PTGER3: variants seen among roughly 807,000 people sequenced by gnomAD.
PTGER3 encodes the protein prostaglandin E2 receptor EP3 subtype.
PTGER3 carries 22 observed loss-of-function variants against 34.7 expected under a neutral mutation model. That is an observed-to-expected ratio of 0.63 (90% CI 0.45 to 0.91). The LOEUF is 0.91. Ranked by LOEUF, PTGER3 falls within the 40% of genes least tolerant of loss-of-function variation. The pLI, the probability that PTGER3 is intolerant of heterozygous loss-of-function variation, is 0.00. For missense variants in PTGER3, 468 were observed against 519.4 expected, an observed-to-expected ratio of 0.90 and a Z score of 0.96; for synonymous variants, 241 against 230.1, an observed-to-expected ratio of 1.05 and a Z score of -0.43.
chr1:70,919,510 A>C (rs1212048842), intron 4 of PTGER3, among the ~76,000 whole-genome samples: 1 of 152,180 alleles, frequency 6.6e-6, no homozygotes, highest in African/African-American at 2.4e-5. Context: ...CTCCATTTAG[A>C]TTTTAATCAC....
intron 2 of PTGER3, among the ~76,000 whole-genome samples, chr1:70,981,383 C>A (rs1258281661): frequency 6.4e-5 from 5 of 78,542 alleles, no homozygotes; most frequent in African/African-American, 2.6e-4. Flanking sequence ...TTCTTTCTTT[C>A]TTTCTTTCTT....
At chr1:70,872,903 G>A (rs1445758126) in intron 4 of PTGER3, among the ~76,000 whole-genome samples, 3 of 152,080 alleles carry the variant, frequency 2.0e-5, no homozygotes, top group Admixed American at 1.3e-4. Flanking sequence ...TCCAGACTGT[G>A]TGATCCTTTC....
intron 4 of PTGER3, among the ~76,000 whole-genome samples, chr1:70,939,004 T>C (rs543133946): frequency 1.7e-4 from 26 of 152,134 alleles, no homozygotes; most frequent in Non-Finnish European, 2.4e-4. Context: ...GAAAGTCTCA[T>C]CTGAGACAAG....
At chr1:70,986,131 A>T (rs1654886684) in intron 2 of PTGER3, among the ~76,000 whole-genome samples, 1 of 152,146 alleles carries the variant, frequency 6.6e-6, no homozygotes, top group Admixed American at 6.5e-5. Flanking sequence ...ACAGTTTACA[A>T]ATGCCACGGC....
chr1:70,937,421 G>A, intron 4 of PTGER3, among the ~76,000 whole-genome samples: 1 of 152,188 alleles, frequency 6.6e-6, no homozygotes, highest in East Asian at 1.9e-4. Flanking sequence ...GGATGTGCAG[G>A]TGGGAGGTCT....
chr1:70,984,129 G>A (rs529756358), intron 2 of PTGER3, among the ~76,000 whole-genome samples: 63 of 152,264 alleles, frequency 4.1e-4, no homozygotes, highest in African/African-American at 1.5e-3. Context: ...GCTCATGCCT[G>A]TAATCCCAGC....
chr1:71,009,737 C>A lies in PTGER3; in HGVS notation c.1077+2568G>T, dbSNP rs1432201301. The A allele has an allele frequency of 3.0e-6, 3 of 984,956 alleles. 1 individual carries two copies. The highest frequency in any genetic ancestry group is 3.6e-6 in the Non-Finnish European group (3 of 829,718). The allele number at this position is 984,956 out of a possible 1,614,324, so 61.0% of individuals were successfully genotyped here. Reference sequence around the variant, plus strand: ...TTCAAAATTCAGGAATTGTCATAATCTATACATGCATTTTTCCTGATTAGA... The same window carrying A: ...TTCAAAATTCAGGAATTGTCATAATATATACATGCATTTTTCCTGATTAGA... On this transcript the variant is annotated intron_variant, in intron 2 of 3. Transcript: ENST00000306666.
chr1:70,862,712 G>A (rs969707379), intron 4 of PTGER3, among the ~76,000 whole-genome samples: 17 of 152,158 alleles, frequency 1.1e-4, no homozygotes, highest in Admixed American at 7.9e-4. Context: ...GGTAGAAGAT[G>A]AATGGCGGAA....
intron 4 of PTGER3, among the ~76,000 whole-genome samples, chr1:70,922,643 C>T (rs1358932804): frequency 1.3e-5 from 2 of 151,814 alleles, no homozygotes; most frequent in African/African-American, 4.8e-5. Flanking sequence ...AAAAAAGTTG[C>T]TAAGAGTTAA....
At chr1:70,899,187 C>T (rs1171426194) in intron 4 of PTGER3, among the ~76,000 whole-genome samples, 1 of 152,144 alleles carries the variant, frequency 6.6e-6, no homozygotes, top group African/African-American at 2.4e-5. Context: ...CTGTTCTGTT[C>T]CTAGCATTAT....
chr1:70,894,719 C>A lies in PTGER3; in HGVS notation c.*24-41860G>T, dbSNP rs1646690096. ...ACTGTTTGCTTCTTGAAAGTCCTCT[C>A]CCCACTCATCCCACCCTATCTCCAG... On this transcript the variant is annotated intron_variant, in intron 4 of 4. Transcript: ENST00000370931. Among the ~76,000 whole-genome samples, 3 of 152,136 alleles carry A rather than the reference C, an allele frequency of 2.0e-5. No homozygotes were observed. The South Asian group carries it at 6.2e-4, about 32-fold the overall frequency.
chr1:70,927,266 T>C lies in PTGER3; in HGVS notation c.*23+26497A>G, dbSNP rs847712. On this transcript the variant is annotated intron_variant, in intron 4 of 4. Coordinates refer to the PTGER3 transcript ENST00000370931. ...GTTTTAGAAGGAATGGTACCAGTTC[T>C]TCCTTGTACCTCTGGTAGAATTCGG... Among the ~76,000 whole-genome samples, 509 of 152,140 alleles carry C rather than the reference T, an allele frequency of 3.3e-3. 3 individuals carry two copies. The highest frequency in any genetic ancestry group is 0.012 in the African/African-American group (486 of 41,466).
At chr1:70,992,416 A>C (rs191556972) in intron 2 of PTGER3, among the ~76,000 whole-genome samples, 1 of 152,338 alleles carries the variant, frequency 6.6e-6, no homozygotes, top group African/African-American at 2.4e-5. Flanking sequence ...TGATATACAC[A>C]ACAGATAAAA....
At chr1:71,018,440 C>T (rs976518678) in intron 1 of PTGER3, among the ~76,000 whole-genome samples, 1 of 152,104 alleles carries the variant, frequency 6.6e-6, no homozygotes, top group African/African-American at 2.4e-5. Flanking sequence ...ATATTTTCAA[C>T]TCAGTTGGCT....
At chr1:70,864,501 A>G (rs994091118) in intron 4 of PTGER3, among the ~76,000 whole-genome samples, 18 of 152,146 alleles carry the variant, frequency 1.2e-4, no homozygotes, top group Admixed American at 4.6e-4. Context: ...TGACTCAGGG[A>G]TTTACTGGGT....
chr1:70,946,980 C>T (rs149007338), intron 4 of PTGER3, among the ~76,000 whole-genome samples: 26 of 152,088 alleles, frequency 1.7e-4, no homozygotes, highest in African/African-American at 4.8e-4. Context: ...TGGGATAGCA[C>T]GGTACATTAG....
rs549162585 is a variant in PTGER3, at chr1:71,008,479, T to C, written c.1077+3826A>G. 3 of 913,216 alleles carry C rather than the reference T, an allele frequency of 3.3e-6. No individual in the cohort carries two copies. In the African/African-American group the frequency reaches 5.4e-5, roughly 16 times the overall value. The allele number at this position is 913,216 out of a possible 1,614,324, so 56.6% of individuals were successfully genotyped here. A position where few individuals can be genotyped will look rare whatever the true frequency, so the allele number is the denominator to read the frequency against. On this transcript the variant is annotated intron_variant, in intron 2 of 3. Coordinates refer to ENST00000306666, the MANE Select transcript of PTGER3 (RefSeq NM_198719.2). ...TATCAAATAAAATATTTTCCCTAATTCTTTTATCATCATCACCACCTAGTT... is the reference window on the plus strand; with the variant it reads ...TATCAAATAAAATATTTTCCCTAATCCTTTTATCATCATCACCACCTAGTT...
intron 4 of PTGER3, among the ~76,000 whole-genome samples, chr1:70,923,074 T>C (rs1190790535): frequency 4.6e-5 from 7 of 152,298 alleles, no homozygotes; most frequent in Middle Eastern, 3.4e-3. Flanking sequence ...ATTGAATATA[T>C]TTGTCTATAA....
intron 4 of PTGER3, among the ~76,000 whole-genome samples, chr1:70,868,759 C>T (rs1253302593): frequency 6.6e-6 from 1 of 152,104 alleles, no homozygotes; most frequent in South Asian, 2.1e-4. Context: ...GCATGAGTTC[C>T]AATCATCATC....
Sources: allele counts gnomAD v4.1 joint callset (sites outside exome capture counted in the v4.1 genomes callset), GRCh38; gene constraint gnomAD v4.1.1; transcripts MANE v1.5; gene names NCBI Gene and HGNC (gene_info 2026-07-23, HGNC 2026-07-21).